SCARA5: variants seen among roughly 807,000 people sequenced by gnomAD.
SCARA5 encodes scavenger receptor class A, member 5 (putative).
SCARA5 carries 45 observed loss-of-function variants against 46.3 expected under a neutral mutation model. The observed-to-expected ratio is 0.97, with a 90% CI of 0.76 to 1.24. The LOEUF is 1.24. Ranked by LOEUF, SCARA5 falls within the 50% of genes most tolerant of loss-of-function variation. The pLI is 0.00. For missense variants in SCARA5, 680 were observed against 689.0 expected, an observed-to-expected ratio of 0.99 and a Z score of 0.15; for synonymous variants, 333 against 306.5, an observed-to-expected ratio of 1.09 and a Z score of -0.90.
chr8:27,912,800 G>A (rs770632060), intron 4 of SCARA5, among the ~76,000 whole-genome samples: 12 of 152,206 alleles, frequency 7.9e-5, no homozygotes, highest in Non-Finnish European at 1.6e-4. Flanking sequence ...AGTCACTCTC[G>A]CCAAGGGAGG....
At chr8:27,933,868 T>C (rs1807815277) in intron 3 of SCARA5, among the ~76,000 whole-genome samples, 1 of 152,028 alleles carries the variant, frequency 6.6e-6, no homozygotes. Context: ...CAGGGAGAAG[T>C]TGGGAAAATG....
rs531382390 is a variant in SCARA5, at chr8:27,907,074, G to A, written c.1096+74C>T. ...GTGGCACAGTGAAGATAAGAGTCCT[G>A]GTCCCCCATGCCAATGCCCATGTGC... is the stretch of plus-strand genomic sequence containing the variant. On this transcript the variant is annotated intron_variant, in intron 6 of 8. Coordinates refer to ENST00000354914, the MANE Select transcript of SCARA5 (RefSeq NM_173833.6). 36 of 1,022,630 alleles carry A rather than the reference G, an allele frequency of 3.5e-5. No homozygotes were observed. In the Admixed American group the frequency reaches 6.4e-4, roughly 18 times the overall value. The allele number at this position is 1,022,630 out of a possible 1,614,324, so 63.3% of individuals were successfully genotyped here.
At chr8:27,978,273 T>A (rs140664501) in intron 2 of SCARA5, among the ~76,000 whole-genome samples, 5 of 151,662 alleles carry the variant, frequency 3.3e-5, no homozygotes, top group Non-Finnish European at 7.4e-5. Flanking sequence ...TCAGGTGATC[T>A]GCCCACCTTG....
chr8:27,905,976 G>A (rs879842364), intron 6 of SCARA5, among the ~76,000 whole-genome samples: 3 of 152,130 alleles, frequency 2.0e-5, no homozygotes, highest in Non-Finnish European at 1.5e-5. Flanking sequence ...CTCCCAAAGC[G>A]CTAGGATTAC....
At chr8:27,873,567 C>A (rs1585455400) in intron 8 of SCARA5, among the ~76,000 whole-genome samples, 1 of 150,836 alleles carries the variant, frequency 6.6e-6, no homozygotes, top group Non-Finnish European at 1.5e-5. Context: ...CACCAGAGAA[C>A]AACCCCCTTT....
chr8:27,936,182 T>C (rs368954002), intron 3 of SCARA5, among the ~76,000 whole-genome samples: 1 of 152,086 alleles, frequency 6.6e-6, no homozygotes, highest in South Asian at 2.1e-4. Flanking sequence ...TCAATGCAAG[T>C]GCCATCTGGA....
Position 27,921,586 on chromosome 8 carries a change from T to C in SCARA5, c.901A>G (p.Ile301Val), listed in dbSNP as rs777057885. The C allele has an allele frequency of 1.1e-5, 17 of 1,555,646 alleles. No individual in the cohort carries two copies. The highest frequency in any genetic ancestry group is 1.4e-5 in the Non-Finnish European group (16 of 1,147,038). The change falls in exon 4 of 9, where the codon ATC becomes GTC. Residue 301 changes from isoleucine (I) to valine (V), a missense_variant. Around this residue, in one of 3 missense-constraint regions of SCARA5, gnomAD observed 438 missense variants for 384.5 expected, o/e 1.14. Coordinates refer to ENST00000354914, the MANE Select transcript of SCARA5 (RefSeq NM_173833.6). ...CTGGCGGTACCTTTCGCGAGGGAGA[T>C]GTTCCGCAGTGCGATGGAGTGCTCC... ...DWEHSIALRN[I>V]SLAKGPPGPK...
chr8:27,871,745 A>G lies in SCARA5; in HGVS notation c.*189T>C. ...GACGGGCAGTAGGTCCCAGAGTTATACTTCGGAGCACATGTTCAAGAGGGA... is the reference window on the plus strand; with the variant it reads ...GACGGGCAGTAGGTCCCAGAGTTATGCTTCGGAGCACATGTTCAAGAGGGA... On this transcript the variant is annotated 3_prime_UTR_variant, in exon 9 of 9. Transcript: ENST00000354914. The G allele has an allele frequency of 7.0e-7, 1 of 1,433,560 alleles. No individual in the cohort carries two copies. Among genetic ancestry groups the G allele is most frequent in the South Asian group, 1.5e-5 (1 of 67,088 alleles). 88.8% of individuals were successfully genotyped at this position (1,433,560 alleles called of 1,614,324 possible).
rs575615420 is a variant in SCARA5, at chr8:27,919,957, G to A, written c.916+1614C>T. On this transcript the variant is annotated intron_variant, in intron 4 of 8. Transcript: ENST00000354914. ...CTAAGGAATTTCTAACGAATCCAGT[G>A]GGCCATGGGGAGCCACAGTGGGCTT... 8.0e-5 allele frequency among the ~76,000 whole-genome samples: 12 copies of A among 150,726 alleles called. No individual in the cohort carries two copies. The South Asian group carries it at 2.6e-3, about 32-fold the overall frequency.
At position 27,879,686 on chromosome 8, in the gene SCARA5, G is replaced by C. The variant is rs1465178712; in HGVS notation, c.1234C>G (p.Arg412Gly). 6.2e-7 allele frequency: 1 copy of C among 1,612,804 alleles called. No homozygotes were observed. Among genetic ancestry groups the C allele is most frequent in the Non-Finnish European group, 8.5e-7 (1 of 1,180,036 alleles). ...HEGRVEVYHD[R>G]RWGTVCDDGW... Reference sequence around the variant, plus strand: ...TCGTCACACACGGTGCCCCAACGCCGGTCGTGGTACACTTCCACGCGGCCC... The same window carrying C: ...TCGTCACACACGGTGCCCCAACGCCCGTCGTGGTACACTTCCACGCGGCCC... The change falls in exon 8 of 9, where the codon CGG becomes GGG. Residue 412 changes from arginine to glycine, a missense_variant. Arg to Gly is a moderately radical substitution (Grantham distance 125). Coordinates refer to ENST00000354914, the MANE Select transcript of SCARA5 (RefSeq NM_173833.6).
chr8:27,936,271 C>G (rs554277788), intron 3 of SCARA5, among the ~76,000 whole-genome samples: 12 of 152,196 alleles, frequency 7.9e-5, no homozygotes, highest in African/African-American at 1.2e-4. Context: ...TGAGCTGGCC[C>G]TGGTCACTTC....
intron 3 of SCARA5, among the ~76,000 whole-genome samples, chr8:27,927,777 G>A (rs1015165376): frequency 6.6e-6 from 1 of 151,950 alleles, no homozygotes; most frequent in African/African-American, 2.4e-5. Context: ...AATTCCAGCC[G>A]AACTACTTCT....
At chr8:27,916,822 G>T (rs959921422) in intron 4 of SCARA5, among the ~76,000 whole-genome samples, 1 of 152,216 alleles carries the variant, frequency 6.6e-6, no homozygotes, top group East Asian at 1.9e-4. Flanking sequence ...AGGAGCCCCA[G>T]TGCAGTGATC....
At chr8:27,894,811 C>A (rs1345311914) in intron 7 of SCARA5, among the ~76,000 whole-genome samples, 1 of 152,194 alleles carries the variant, frequency 6.6e-6, no homozygotes, top group African/African-American at 2.4e-5. Flanking sequence ...CATTCTGCAT[C>A]CTTGTGGTTC....
Position 27,921,715 on chromosome 8 carries a change from C to CCAG in SCARA5, c.771_772insCTG (p.Glu257_Asp258insLeu), listed in dbSNP as rs767292771. 1 of 1,597,454 alleles carries CCAG rather than the reference C, an allele frequency of 6.3e-7. No homozygotes were observed. The highest frequency in any genetic ancestry group is 8.5e-7 in the Non-Finnish European group (1 of 1,173,420). ...TGCGCCAGGCGCAGGCGGCGCGTGT[C>CCAG]CTCGCTGGCGTTGCTCACCAGCACC... is the stretch of plus-strand genomic sequence containing the variant. On this transcript the variant is annotated inframe_insertion, in exon 4 of 9. Transcript: ENST00000354914.
At chr8:27,915,098 G>T (rs1008559242) in intron 4 of SCARA5, among the ~76,000 whole-genome samples, 29 of 152,200 alleles carry the variant, frequency 1.9e-4, no homozygotes, top group African/African-American at 6.8e-4. Flanking sequence ...ACAGGGTAGA[G>T]TGGCTCAGCA....
intron 3 of SCARA5, among the ~76,000 whole-genome samples, chr8:27,935,651 C>T (rs965996543): frequency 6.6e-6 from 1 of 152,174 alleles, no homozygotes; most frequent in Admixed American, 6.5e-5. Context: ...CTCAGGATCT[C>T]AGCACTGCCC....
At chr8:27,988,067 T>C (rs1347914750) in intron 1 of SCARA5, among the ~76,000 whole-genome samples, 2 of 151,946 alleles carry the variant, frequency 1.3e-5, no homozygotes, top group Non-Finnish European at 2.9e-5. Context: ...CTGTTCTGTG[T>C]TGGAAATGAA....
At position 27,927,082 on chromosome 8, in the gene SCARA5, C is replaced by A. The variant is rs1412903814; in HGVS notation, c.242-4837G>T. 2.6e-5 allele frequency among the ~76,000 whole-genome samples: 4 copies of A among 152,180 alleles called. No individual in the cohort carries two copies. The East Asian group carries it at 7.7e-4, about 29-fold the overall frequency. The stretch of plus-strand genomic sequence containing the variant: ...CAGGGCCGATTCAAGGACACATCTG[C>A]CGAGGGCCAAGACCCTGAAGTGGAC... On this transcript the variant is annotated intron_variant, in intron 3 of 8. Coordinates refer to ENST00000354914, the MANE Select transcript of SCARA5 (RefSeq NM_173833.6).
Sources: gnomAD v4.1 joint callset for allele counts (sites outside exome capture counted in the v4.1 genomes callset) on GRCh38, gnomAD v4.1.1 for gene constraint, gnomAD v4.1.1 regional missense constraint, MANE v1.5 for transcripts, NCBI Gene and HGNC (gene_info 2026-07-23, HGNC 2026-07-21) for gene names.